The following DCDC1 variants were observed in gnomAD, a reference collection of about 807,000 sequenced individuals.
DCDC1 encodes doublecortin domain-containing protein 1.
A neutral mutation model predicts 178.3 loss-of-function variants in DCDC1; 200 were observed. The ratio of observed to expected loss-of-function variants is 1.12; its 90% CI spans 1.00 to 1.26. The LOEUF (loss-of-function observed/expected upper bound fraction) is 1.26, where lower values mean the gene tolerates loss of function less well. Ranked by LOEUF, DCDC1 falls within the 50% of genes most tolerant of loss-of-function variation. The probability of loss-of-function intolerance (pLI) is 0.00; values close to 1 mark genes in which losing one functional copy is unlikely to be tolerated. For synonymous variants in DCDC1, 690 were observed against 604.8 expected, an observed-to-expected ratio of 1.14 and a Z score of -2.07; for missense variants, 1,983 against 1,749.2, an observed-to-expected ratio of 1.13 and a Z score of -2.38.
At chr11:30,940,756 G>A (rs1222423962) in intron 21 of DCDC1, among the ~76,000 whole-genome samples, 1 of 151,966 alleles carries the variant, frequency 6.6e-6, no homozygotes, top group African/African-American at 2.4e-5. Context: ...AAGAGCATTG[G>A]TTTCTGCTCT....
intron 16 of DCDC1, among the ~76,000 whole-genome samples, chr11:31,092,062 T>G (rs1957852803): frequency 6.6e-6 from 1 of 152,236 alleles, no homozygotes; most frequent in Non-Finnish European, 1.5e-5. Flanking sequence ...TTAACCATTT[T>G]CTTACTTAGT....
chr11:30,895,228 G>A (rs1454009227), intron 34 of DCDC1, among the ~76,000 whole-genome samples: 4 of 152,182 alleles, frequency 2.6e-5, no homozygotes, highest in African/African-American at 9.7e-5. Context: ...GTTGGATAAT[G>A]CAAGCACAAA....
chr11:31,326,626 G>C (rs1949663793), intron 3 of DCDC1, among the ~76,000 whole-genome samples: 1 of 152,210 alleles, frequency 6.6e-6, no homozygotes, highest in Admixed American at 6.5e-5. Flanking sequence ...AAGCTGCACT[G>C]TATAAAGGAT....
At chr11:31,141,066 C>G (rs2136024708) in intron 9 of DCDC1, among the ~76,000 whole-genome samples, 1 of 152,248 alleles carries the variant, frequency 6.6e-6, no homozygotes, top group Admixed American at 6.5e-5. Flanking sequence ...AGACCTCCTG[C>G]TGGAGAAATA....
chr11:31,291,761 T>C (rs1197546015), intron 6 of DCDC1, among the ~76,000 whole-genome samples: 1 of 152,140 alleles, frequency 6.6e-6, no homozygotes, highest in Non-Finnish European at 1.5e-5. Context: ...AGAAACATAA[T>C]TTTATTTATA....
At chr11:31,120,582 G>A (rs1960652288) in intron 11 of DCDC1, among the ~76,000 whole-genome samples, 2 of 152,112 alleles carry the variant, frequency 1.3e-5, no homozygotes. Flanking sequence ...TCCCAAATTT[G>A]ACAAGCTCTA....
At chr11:31,229,763 A>T (rs1975522540) in intron 9 of DCDC1, among the ~76,000 whole-genome samples, 1 of 152,286 alleles carries the variant, frequency 6.6e-6, no homozygotes, top group East Asian at 1.9e-4. Context: ...CAAAATGAAG[A>T]CTAGAAAACA....
chr11:30,868,361 C>A (rs1238844146), intron 38 of DCDC1, among the ~76,000 whole-genome samples: 2 of 149,252 alleles, frequency 1.3e-5, no homozygotes, highest in African/African-American at 5.0e-5. Flanking sequence ...AGAGATTCTC[C>A]TGCCTCAGCC....
At chr11:30,873,806 C>A (rs1224460132) in intron 38 of DCDC1, among the ~76,000 whole-genome samples, 1 of 152,124 alleles carries the variant, frequency 6.6e-6, no homozygotes. Context: ...TTTTCCCCAC[C>A]CTCAAAAGTA....
intron 21 of DCDC1, 28 bp downstream of exon 21, chr11:30,952,417 G>T: frequency 1.3e-6 from 2 of 1,512,950 alleles, no homozygotes; most frequent in South Asian, 2.6e-5. Context: ...AAGTCTCAAT[G>T]ACCATCTCTT....
intron 38 of DCDC1, among the ~76,000 whole-genome samples, chr11:30,867,562 AC>A (rs1941110264): frequency 6.6e-6 from 1 of 152,144 alleles, no homozygotes; most frequent in Non-Finnish European, 1.5e-5. Flanking sequence ...CTTTCCCAAG[AC>A]TGCAGGAAGG....
chr11:30,973,014 G>A lies in DCDC1; in HGVS notation c.2592-20446C>T, dbSNP rs574324480. On this transcript the variant is annotated intron_variant, in intron 20 of 38. Transcript: ENST00000684477. Reference sequence around the variant, plus strand: ...CGGCCAGGCGTGGTGGCTTATGACCGTAATCCCAGCACTTTTGGGGGCTGA... The same window carrying A: ...CGGCCAGGCGTGGTGGCTTATGACCATAATCCCAGCACTTTTGGGGGCTGA... Among the ~76,000 whole-genome samples the A allele has an allele frequency of 1.8e-4, 28 of 152,180 alleles. No homozygotes were observed. The South Asian group carries it at 2.1e-3, about 11-fold the overall frequency.
chr11:31,041,454 A>T (rs1000487736), intron 20 of DCDC1, among the ~76,000 whole-genome samples: 15 of 152,210 alleles, frequency 9.9e-5, no homozygotes, highest in Admixed American at 9.8e-4. Context: ...CCTTATAAAC[A>T]TTGATTTACT....
intron 1 of DCDC1, among the ~76,000 whole-genome samples, chr11:31,367,474 T>C (rs899276272): frequency 2.0e-5 from 3 of 152,196 alleles, no homozygotes; most frequent in Non-Finnish European, 4.4e-5. Context: ...TCCAATTGTT[T>C]AAATGTTTAA....
intron 20 of DCDC1, among the ~76,000 whole-genome samples, chr11:31,044,702 T>A (rs1954713282): frequency 6.6e-6 from 1 of 152,110 alleles, no homozygotes; most frequent in African/African-American, 2.4e-5. Flanking sequence ...CCCCAGAGCA[T>A]CCAGATAACA....
At chr11:31,092,810 G>T (rs1036656442) in intron 16 of DCDC1, among the ~76,000 whole-genome samples, 1 of 152,194 alleles carries the variant, frequency 6.6e-6, no homozygotes, top group Non-Finnish European at 1.5e-5. Flanking sequence ...CTTGTCTGCT[G>T]TCATATAGTT....
chr11:31,022,643 T>TGTGTGTGTG (rs1952952445), intron 20 of DCDC1, among the ~76,000 whole-genome samples: 1 of 120,950 alleles, frequency 8.3e-6, no homozygotes, highest in African/African-American at 3.3e-5. Context: ...GTCTTTTAGT[T>TGTGTGTGTG]TGTGTGTGTG....
intron 9 of DCDC1, among the ~76,000 whole-genome samples, chr11:31,171,071 G>GC (rs746312074): frequency 3.3e-4 from 50 of 152,052 alleles, no homozygotes; most frequent in Middle Eastern, 3.4e-3. Context: ...CAGGTGATCC[G>GC]CCCCCCTTGG....
At chr11:31,080,157 A>T (rs1174656482) in intron 17 of DCDC1, among the ~76,000 whole-genome samples, 2 of 152,156 alleles carry the variant, frequency 1.3e-5, no homozygotes. Flanking sequence ...TTAAATTTTG[A>T]CTTGGGGTCC....
Sources: gnomAD v4.1 joint callset for allele counts (sites outside exome capture counted in the v4.1 genomes callset) on GRCh38, gnomAD v4.1.1 for gene constraint, MANE v1.5 for transcripts, NCBI Gene and HGNC (gene_info 2026-07-23, HGNC 2026-07-21) for gene names.